The following ADRA1B variants were observed in gnomAD, a reference collection of about 807,000 sequenced individuals.
The protein encoded by ADRA1B is adrenoceptor alpha 1B, also known as alpha-1B adrenergic receptor.
Under a neutral mutation model 17.9 loss-of-function variants are expected in ADRA1B, and 17 were observed. The observed-to-expected ratio is 0.95, with a 90% CI of 0.65 to 1.42. The LOEUF (loss-of-function observed/expected upper bound fraction) is 1.42. ADRA1B is among the 40% of genes most tolerant of loss of function. The probability of loss-of-function intolerance (pLI) is 0.00; values close to 1 mark genes in which losing one functional copy is unlikely to be tolerated. For missense variants in ADRA1B, 681 were observed against 722.1 expected (o/e 0.94, Z 0.65); for synonymous variants, 366 against 327.6 (o/e 1.12, Z -1.27).
intron 1 of ADRA1B, among the ~76,000 whole-genome samples, chr5:159,954,604 T>C (rs1755518165): frequency 6.6e-6 from 1 of 152,062 alleles, no homozygotes; most frequent in Non-Finnish European, 1.5e-5. Flanking sequence ...CCAAGGGAAA[T>C]GGAGCCCATG....
chr5:159,971,772 G>A (rs139075122), intron 1 of ADRA1B, 107 bp from the exon 2 acceptor site: 10 of 1,204,506 alleles, frequency 8.3e-6, no homozygotes, highest in South Asian at 3.5e-5. Flanking sequence ...CCTGGCGGCA[G>A]GAACGCTGCA....
intron 1 of ADRA1B, among the ~76,000 whole-genome samples, chr5:159,896,713 C>T (rs962876016): frequency 1.8e-4 from 27 of 152,252 alleles, no homozygotes; most frequent in African/African-American, 6.5e-4. Flanking sequence ...ACTCATCAGC[C>T]GCGCTCCACT....
intron 1 of ADRA1B, among the ~76,000 whole-genome samples, chr5:159,960,986 G>A (rs1755655885): frequency 6.6e-6 from 1 of 152,198 alleles, no homozygotes; most frequent in Non-Finnish European, 1.5e-5. Flanking sequence ...CAGAGGAGAT[G>A]AGAATATAGA....
chr5:159,948,193 C>A, intron 1 of ADRA1B: 2 of 985,402 alleles, frequency 2.0e-6, no homozygotes, highest in African/African-American at 3.5e-5. Flanking sequence ...TCTCTAAGTC[C>A]AGACAACAGG....
chr5:159,883,448 T>G (rs536692796), intron 1 of ADRA1B, among the ~76,000 whole-genome samples: 1 of 152,216 alleles, frequency 6.6e-6, no homozygotes, highest in Non-Finnish European at 1.5e-5. Flanking sequence ...GACTCAAACT[T>G]AGAGTCAGTT....
chr5:159,866,704 A>G (rs981224705), intron 1 of ADRA1B, among the ~76,000 whole-genome samples: 1 of 152,194 alleles, frequency 6.6e-6, no homozygotes, highest in Non-Finnish European at 1.5e-5. Context: ...TGTCTCCCAA[A>G]AGTTAAGTGT....
intron 1 of ADRA1B, among the ~76,000 whole-genome samples, chr5:159,924,705 C>T (rs376856351): frequency 1.3e-5 from 2 of 152,114 alleles, no homozygotes; most frequent in Non-Finnish European, 2.9e-5. Context: ...AGTGCCATCA[C>T]GGATGCATCT....
At chr5:159,940,325 T>C (rs1427730271) in intron 1 of ADRA1B, among the ~76,000 whole-genome samples, 2 of 152,160 alleles carry the variant, frequency 1.3e-5, no homozygotes, top group Non-Finnish European at 1.5e-5. Flanking sequence ...CCTCAATATC[T>C]AATCACTCTC....
At chr5:159,879,023 C>G (rs976022915) in intron 1 of ADRA1B, among the ~76,000 whole-genome samples, 2 of 152,112 alleles carry the variant, frequency 1.3e-5, no homozygotes, top group African/African-American at 4.8e-5. Flanking sequence ...CTGGGTGAGG[C>G]AGGTCGGGTC....
At chr5:159,935,680 G>A (rs1451089096) in intron 1 of ADRA1B, among the ~76,000 whole-genome samples, 1 of 152,120 alleles carries the variant, frequency 6.6e-6, no homozygotes, top group Non-Finnish European at 1.5e-5. Flanking sequence ...CCTAGCAGCT[G>A]GGATTACAGG....
At chr5:159,912,060 G>A (rs557477045), upstream of ADRA1B, among the ~76,000 whole-genome samples, 67 of 152,172 alleles carry the variant, frequency 4.4e-4, no homozygotes, top group Admixed American at 1.1e-3. Flanking sequence ...ATAATGTACA[G>A]AAGGCACTTT....
chr5:159,950,670 A>G, intron 1 of ADRA1B: 1 of 744,318 alleles, frequency 1.3e-6, no homozygotes, highest in Admixed American at 1.8e-5. Flanking sequence ...CCTGGTGCTC[A>G]GTGTCGCCCC....
chr5:159,932,902 A>C (rs1472937201), intron 1 of ADRA1B, among the ~76,000 whole-genome samples: 1 of 152,164 alleles, frequency 6.6e-6, no homozygotes, highest in African/African-American at 2.4e-5. Context: ...ATGGAAAGAC[A>C]TTGTAGGTTA....
intron 1 of ADRA1B, among the ~76,000 whole-genome samples, chr5:159,923,529 C>T (rs1022492637): frequency 6.6e-6 from 1 of 152,232 alleles, no homozygotes; most frequent in South Asian, 2.1e-4. Flanking sequence ...GATGGAGGTA[C>T]CATTTGTTGA....
At chr5:159,876,526 G>A (rs1753804467) in intron 1 of ADRA1B, among the ~76,000 whole-genome samples, 1 of 152,184 alleles carries the variant, frequency 6.6e-6, no homozygotes, top group African/African-American at 2.4e-5. Context: ...TGGTGAATGG[G>A]AATGAAATTG....
At chr5:159,903,774 T>G (rs950369009) in intron 1 of ADRA1B, among the ~76,000 whole-genome samples, 1 of 152,104 alleles carries the variant, frequency 6.6e-6, no homozygotes, top group Non-Finnish European at 1.5e-5. Context: ...TCAAATCCCA[T>G]GTCTTAAGAG....
chr5:159,965,689 G>A (rs923577377), intron 1 of ADRA1B, among the ~76,000 whole-genome samples: 29 of 152,084 alleles, frequency 1.9e-4, no homozygotes, highest in African/African-American at 6.0e-4. Context: ...GGAGGGGGTC[G>A]AAAAATTTGT....
Position 159,917,820 on chromosome 5 carries a change from G to A in ADRA1B, c.915G>A (p.Leu305=). The A allele has an allele frequency of 6.2e-7, 1 of 1,612,186 alleles. No individual in the cohort carries two copies. The highest frequency in any genetic ancestry group is 2.2e-5 in the East Asian group (1 of 44,890). Residue 305 remains leucine, a synonymous_variant, in exon 1 of 2, where the codon TTG becomes TTA. Coordinates refer to ENST00000306675, the MANE Select transcript of ADRA1B (RefSeq NM_000679.4). ...TLGIVVGMFI[L]CWLPFFIALP... is the part of the protein sequence containing the mutation. Reference sequence around the variant, plus strand: ...GCATTGTGGTCGGTATGTTCATCTTGTGCTGGCTACCCTTCTTCATCGCTC... The same window carrying A: ...GCATTGTGGTCGGTATGTTCATCTTATGCTGGCTACCCTTCTTCATCGCTC...
chr5:159,939,655 A>C (rs911248084), intron 1 of ADRA1B, among the ~76,000 whole-genome samples: 3 of 152,102 alleles, frequency 2.0e-5, no homozygotes, highest in Non-Finnish European at 4.4e-5. Flanking sequence ...CAGAGATGAC[A>C]TTTTACTTAC....
Sources: allele counts gnomAD v4.1 joint callset (sites outside exome capture counted in the v4.1 genomes callset), GRCh38; gene constraint gnomAD v4.1.1; transcripts MANE v1.5; gene names NCBI Gene and HGNC (gene_info 2026-07-23, HGNC 2026-07-21).